PTPRK: variants seen among roughly 807,000 people sequenced by gnomAD.
The protein encoded by PTPRK is protein tyrosine phosphatase receptor type K, also known as receptor-type tyrosine-protein phosphatase kappa.
A neutral mutation model predicts 178.0 loss-of-function variants in PTPRK; 75 were observed. The ratio of observed to expected loss-of-function variants is 0.42; its 90% CI spans 0.35 to 0.51. The LOEUF (loss-of-function observed/expected upper bound fraction) is 0.51. Ranked by LOEUF, PTPRK falls within the 20% of genes least tolerant of loss-of-function variation. The pLI is 0.02. For missense variants in PTPRK, 1,441 were observed against 1,797.8 expected (o/e 0.80, Z 3.59); for synonymous variants, 637 against 620.6 (o/e 1.03, Z -0.39).
intron 1 of PTPRK, among the ~76,000 whole-genome samples, chr6:128,413,615 C>A (rs1327759788): frequency 6.6e-6 from 1 of 152,140 alleles, no homozygotes; most frequent in Admixed American, 6.5e-5. Flanking sequence ...GATGGAATGG[C>A]ACGGCACATT....
At chr6:128,049,310 A>G (rs1379711822) in intron 13 of PTPRK, among the ~76,000 whole-genome samples, 1 of 152,186 alleles carries the variant, frequency 6.6e-6, no homozygotes, top group African/African-American at 2.4e-5. Flanking sequence ...AAGTAGTTTC[A>G]AAATATAAAC....
intron 6 of PTPRK, among the ~76,000 whole-genome samples, chr6:128,188,149 G>C (rs539678634): frequency 6.6e-6 from 1 of 152,036 alleles, no homozygotes; most frequent in South Asian, 2.1e-4. Flanking sequence ...AAACTTTGCC[G>C]ATGTTACCAA....
At chr6:128,288,373 A>G (rs1822849254) in intron 3 of PTPRK, among the ~76,000 whole-genome samples, 1 of 152,226 alleles carries the variant, frequency 6.6e-6, no homozygotes, top group African/African-American at 2.4e-5. Flanking sequence ...ACAAAAGTGA[A>G]TCTAGATTAT....
intron 3 of PTPRK, among the ~76,000 whole-genome samples, chr6:128,292,916 C>A (rs1370417791): frequency 1.3e-5 from 2 of 151,600 alleles, no homozygotes; most frequent in Non-Finnish European, 2.9e-5. Context: ...AACAGACCAT[C>A]AATAACCTTT....
chr6:128,048,948 C>T (rs183324140), intron 13 of PTPRK, among the ~76,000 whole-genome samples: 18 of 152,156 alleles, frequency 1.2e-4, no homozygotes, highest in African/African-American at 3.1e-4. Context: ...TTTTCTATCC[C>T]CAGGGCCTAC....
At chr6:128,326,315 A>G (rs1032546604) in intron 2 of PTPRK, among the ~76,000 whole-genome samples, 24 of 152,206 alleles carry the variant, frequency 1.6e-4, no homozygotes, top group African/African-American at 5.8e-4. Context: ...TATTTTAAAA[A>G]AAGAGATACA....
chr6:128,133,390 G>T (rs1353283850), intron 7 of PTPRK, among the ~76,000 whole-genome samples: 2 of 151,014 alleles, frequency 1.3e-5, no homozygotes, highest in African/African-American at 2.4e-5. Context: ...ATAAGGAATC[G>T]GTATTTCTCA....
At chr6:128,401,262 G>T (rs1012149316) in intron 1 of PTPRK, among the ~76,000 whole-genome samples, 3 of 152,108 alleles carry the variant, frequency 2.0e-5, no homozygotes, top group African/African-American at 7.2e-5. Flanking sequence ...CTCCGAAACT[G>T]CTCGGTGAAA....
In PTPRK at chr6:128,006,728, A is replaced by G. The variant is rs572262997; in HGVS notation, c.2334-1484T>C. 7.9e-5 allele frequency among the ~76,000 whole-genome samples: 12 copies of G among 151,178 alleles called. No homozygotes were observed. In the South Asian group the frequency reaches 1.9e-3, roughly 23 times the overall value. On this transcript the variant is annotated intron_variant, in intron 14 of 29. Coordinates refer to ENST00000368226, the MANE Select transcript of PTPRK (RefSeq NM_002844.4). ...TCATGCTGTGCATGTAAAATATAAT[A>G]CACAACCAATGAAAAAATGGCATAC...
chr6:128,436,838 A>C (rs1349384067), intron 1 of PTPRK, among the ~76,000 whole-genome samples: 2 of 152,168 alleles, frequency 1.3e-5, no homozygotes, highest in African/African-American at 4.8e-5. Context: ...CAGGGTATGA[A>C]GAGAAGGGGA....
chr6:128,048,669 G>A lies in PTPRK; in HGVS notation c.2194+16089C>T, dbSNP rs1362521980. Among the ~76,000 whole-genome samples the A allele has an allele frequency of 8.5e-5, 13 of 152,266 alleles. No individual in the cohort carries two copies. In the East Asian group the frequency reaches 2.5e-3, roughly 29 times the overall value. On this transcript the variant is annotated intron_variant, in intron 13 of 29. Transcript: ENST00000368226. ...CTCTGCATTCATGGGTTCTGCATCC[G>A]AAGAGTCAAACAACCACAGACTTAC...
intron 28 of PTPRK, 46 bp from the exon 29 acceptor site, chr6:127,973,203 G>C: frequency 6.2e-7 from 1 of 1,611,262 alleles, no homozygotes; most frequent in Non-Finnish European, 8.5e-7. Context: ...AGCACCAAGT[G>C]ACCACAGGTC....
At chr6:128,481,228 T>A (rs1225894787) in intron 1 of PTPRK, among the ~76,000 whole-genome samples, 2 of 152,196 alleles carry the variant, frequency 1.3e-5, no homozygotes, top group Non-Finnish European at 2.9e-5. Flanking sequence ...TTTAATTTCA[T>A]TCAGCTGTTA....
chr6:128,516,821 C>G (rs1329995507), intron 1 of PTPRK, among the ~76,000 whole-genome samples: 1 of 151,954 alleles, frequency 6.6e-6, no homozygotes, highest in Admixed American at 6.6e-5. Context: ...AAAACCTGAA[C>G]CAACAGTTAA....
In PTPRK at chr6:128,448,014, C is replaced by T. The variant is rs139279169; in HGVS notation, c.101-50326G>A. On this transcript the variant is annotated intron_variant, in intron 1 of 29. Transcript: ENST00000368226. ...GGGGCCAAATAAACATAATAAAATA[C>T]TCCATGACTCAGAAATATCCTTCTT... Among the ~76,000 whole-genome samples the T allele has an allele frequency of 1.1e-3, 164 of 152,286 alleles. 1 individual carries two copies. The highest frequency in any genetic ancestry group is 2.9e-3 in the South Asian group (14 of 4,828).
chr6:128,361,748 T>C (rs1834784879), intron 2 of PTPRK, among the ~76,000 whole-genome samples: 1 of 152,170 alleles, frequency 6.6e-6, no homozygotes, highest in Admixed American at 6.5e-5. Context: ...AATATAGTAG[T>C]ATAATCTTAT....
chr6:128,002,096 T>G (rs1239717512), intron 15 of PTPRK, among the ~76,000 whole-genome samples: 1 of 151,658 alleles, frequency 6.6e-6, no homozygotes, highest in African/African-American at 2.4e-5. Context: ...ACTTTTCAGA[T>G]TATTTTAGAA....
intron 5 of PTPRK, among the ~76,000 whole-genome samples, chr6:128,221,748 C>T (rs889026989): frequency 6.6e-6 from 1 of 151,956 alleles, no homozygotes; most frequent in Non-Finnish European, 1.5e-5. Flanking sequence ...TGCTTACCAA[C>T]CTATTTCAGG....
intron 1 of PTPRK, among the ~76,000 whole-genome samples, chr6:128,493,467 C>T (rs1016733555): frequency 4.0e-5 from 6 of 151,446 alleles, no homozygotes; most frequent in East Asian, 2.0e-4. Flanking sequence ...GAGGCTGAGG[C>T]AGGAGAATGG....
Sources: allele counts gnomAD v4.1 joint callset (sites outside exome capture counted in the v4.1 genomes callset), GRCh38; gene constraint gnomAD v4.1.1; transcripts MANE v1.5; gene names NCBI Gene and HGNC (gene_info 2026-07-23, HGNC 2026-07-21).